The following GRID2 variants were observed in gnomAD, a reference collection of about 807,000 sequenced individuals.
GRID2 encodes glutamate receptor ionotropic, delta-2.
Under a neutral mutation model 114.8 loss-of-function variants are expected in GRID2, and 33 were observed. The ratio of observed to expected loss-of-function variants is 0.29; its 90% CI spans 0.22 to 0.38. GRID2 has a LOEUF of 0.38. Among genes scored for constraint, GRID2 ranks in the 10% least tolerant of loss-of-function variants. The probability of loss-of-function intolerance (pLI) is 1.00; values close to 1 mark genes in which losing one functional copy is unlikely to be tolerated. For synonymous variants in GRID2, 505 were observed against 449.9 expected, an observed-to-expected ratio of 1.12 and a Z score of -1.55; for missense variants, 1,184 against 1,257.7, an observed-to-expected ratio of 0.94 and a Z score of 0.89.
intron 12 of GRID2, among the ~76,000 whole-genome samples, chr4:93,507,175 A>G (rs1287970199): frequency 1.3e-5 from 2 of 152,164 alleles, no homozygotes; most frequent in African/African-American, 4.8e-5. Context: ...TTAATTATGG[A>G]CCAAGCCACC....
rs578124267 is a variant in GRID2, at chr4:93,531,830, A to G, written c.2193+16419A>G. 2.6e-5 allele frequency among the ~76,000 whole-genome samples: 4 copies of G among 152,172 alleles called. No homozygotes were observed. In the East Asian group the frequency reaches 7.7e-4, roughly 29 times the overall value. ...TCATTGTATTAACTCAGGAAGGTTG[A>G]TTCTGAATTATTTTTATTTTTCATA... On this transcript the variant is annotated intron_variant, in intron 13 of 15. Coordinates refer to ENST00000282020, the MANE Select transcript of GRID2 (RefSeq NM_001510.4).
intron 1 of GRID2, among the ~76,000 whole-genome samples, chr4:92,575,541 C>A (rs927455735): frequency 2.0e-5 from 3 of 152,028 alleles, no homozygotes; most frequent in Admixed American, 1.3e-4. Context: ...TTTGTTTTAG[C>A]CTTGCTGCAG....
intron 2 of GRID2, among the ~76,000 whole-genome samples, chr4:92,714,430 G>T (rs1430890177): frequency 6.6e-6 from 1 of 152,002 alleles, no homozygotes; most frequent in Non-Finnish European, 1.5e-5. Context: ...ACCATTCTGG[G>T]GTCTGGAGAA....
At chr4:93,387,119 G>A (rs1476234997) in intron 8 of GRID2, among the ~76,000 whole-genome samples, 1 of 152,142 alleles carries the variant, frequency 6.6e-6, no homozygotes, top group Non-Finnish European at 1.5e-5. Context: ...GATTCCTTGA[G>A]AGGATTTCTA....
At chr4:93,217,851 G>A (rs963563873) in intron 6 of GRID2, among the ~76,000 whole-genome samples, 2 of 151,798 alleles carry the variant, frequency 1.3e-5, no homozygotes, top group African/African-American at 4.8e-5. Flanking sequence ...TAAAGTCATG[G>A]CCAATCTTAG....
rs571953604 is a variant in GRID2 at position 93,677,639 on chromosome 4, G to T, written c.2360+51204G>T. On this transcript the variant is annotated intron_variant, in intron 14 of 15. Coordinates refer to ENST00000282020, the MANE Select transcript of GRID2 (RefSeq NM_001510.4). ...GCAGTTCATGAAAATCCGCGGTTCT[G>T]CAGACACCGCTGCTGATACCCAGGC... 2.6e-5 allele frequency among the ~76,000 whole-genome samples: 4 copies of T among 152,296 alleles called. No homozygotes were observed. In the East Asian group the frequency reaches 5.8e-4, roughly 22 times the overall value.
intron 3 of GRID2, among the ~76,000 whole-genome samples, chr4:93,088,800 C>T (rs1730541121): frequency 6.6e-6 from 1 of 152,008 alleles, no homozygotes; most frequent in Non-Finnish European, 1.5e-5. Flanking sequence ...AATAGGGAGA[C>T]AGGAACAAGT....
At chr4:93,520,779 T>C (rs1730254033) in intron 13 of GRID2, among the ~76,000 whole-genome samples, 1 of 152,162 alleles carries the variant, frequency 6.6e-6, no homozygotes, top group Non-Finnish European at 1.5e-5. Context: ...CAATAAGGGT[T>C]GACAATCACT....
intron 2 of GRID2, among the ~76,000 whole-genome samples, chr4:92,722,111 TG>T (rs370630350): frequency 3.3e-5 from 5 of 152,272 alleles, no homozygotes; most frequent in African/African-American, 1.2e-4. Flanking sequence ...GGACTGGCAA[TG>T]GCTAAATCAG....
chr4:92,978,712 T>G (rs1168608578), intron 2 of GRID2, among the ~76,000 whole-genome samples: 2 of 152,176 alleles, frequency 1.3e-5, no homozygotes, highest in Non-Finnish European at 2.9e-5. Flanking sequence ...AGTAAAATAT[T>G]ATTTTGTTTC....
At chr4:93,780,699 G>A (rs925435337) in intron 1 of GRID2, among the ~76,000 whole-genome samples, 3 of 152,180 alleles carry the variant, frequency 2.0e-5, no homozygotes, top group Admixed American at 6.5e-5. Flanking sequence ...CCATCAGAGA[G>A]GTACTGAAGC....
At chr4:92,712,650 T>C (rs1735312296) in intron 2 of GRID2, among the ~76,000 whole-genome samples, 1 of 152,172 alleles carries the variant, frequency 6.6e-6, no homozygotes, top group Non-Finnish European at 1.5e-5. Context: ...AATAATACAT[T>C]ACAGAATTTG....
chr4:92,611,597 G>T (rs1194834067), intron 2 of GRID2, among the ~76,000 whole-genome samples: 2 of 151,488 alleles, frequency 1.3e-5, no homozygotes, highest in Non-Finnish European at 3.0e-5. Flanking sequence ...GGGAGAAATT[G>T]CTCAGTTTTA....
At chr4:92,528,250 A>G (rs114085042) in intron 1 of GRID2, among the ~76,000 whole-genome samples, 149 of 151,142 alleles carry the variant, frequency 9.9e-4, no homozygotes, top group Non-Finnish European at 1.8e-3. Flanking sequence ...GGCCTCACAA[A>G]TTAACCATTC....
At chr4:92,970,150 A>G (rs1199119328) in intron 2 of GRID2, among the ~76,000 whole-genome samples, 1 of 151,930 alleles carries the variant, frequency 6.6e-6, no homozygotes, top group African/African-American at 2.4e-5. Context: ...AATATTGTTG[A>G]CATTGAGTAA....
chr4:93,167,515 C>G (rs1364224204), intron 4 of GRID2, among the ~76,000 whole-genome samples: 1 of 152,068 alleles, frequency 6.6e-6, no homozygotes, highest in Non-Finnish European at 1.5e-5. Context: ...TGGGTAGGCT[C>G]CTTTTTTGAA....
chr4:92,444,726 T>C (rs1733356021), intron 1 of GRID2, among the ~76,000 whole-genome samples: 1 of 152,198 alleles, frequency 6.6e-6, no homozygotes, highest in Non-Finnish European at 1.5e-5. Context: ...CAGAAGTCTC[T>C]GCTGCAACAT....
At chr4:92,944,706 A>G (rs1191569326) in intron 2 of GRID2, among the ~76,000 whole-genome samples, 1 of 152,150 alleles carries the variant, frequency 6.6e-6, no homozygotes, top group Admixed American at 6.5e-5. Context: ...AATATTTCTA[A>G]CATATTAGAA....
chr4:93,145,548 A>G (rs1736135128), intron 4 of GRID2, among the ~76,000 whole-genome samples: 2 of 145,942 alleles, frequency 1.4e-5, no homozygotes, highest in African/African-American at 2.5e-5. Flanking sequence ...TGCAACCTCC[A>G]TCTCCCAAGT....
Sources: allele counts gnomAD v4.1 joint callset (sites outside exome capture counted in the v4.1 genomes callset), GRCh38; gene constraint gnomAD v4.1.1; transcripts MANE v1.5; gene names NCBI Gene and HGNC (gene_info 2026-07-23, HGNC 2026-07-21).